ROBO2: variants seen among roughly 807,000 people sequenced by gnomAD.
ROBO2 encodes the protein roundabout guidance receptor 2.
Under a neutral mutation model 160.8 loss-of-function variants are expected in ROBO2, and 53 were observed. That is an observed-to-expected ratio of 0.33 (90% CI 0.26 to 0.41). The LOEUF (loss-of-function observed/expected upper bound fraction) is 0.41, where lower values mean the gene tolerates loss of function less well. Ranked by LOEUF, ROBO2 falls within the 10% of genes least tolerant of loss-of-function variation. ROBO2 has a pLI of 1.00. For synonymous variants in ROBO2, 664 were observed against 611.7 expected, an observed-to-expected ratio of 1.09 and a Z score of -1.26; for missense variants, 1,577 against 1,722.4, an observed-to-expected ratio of 0.92 and a Z score of 1.49.
chr3:76,573,590 G>C (rs1418774488), intron 2 of ROBO2, among the ~76,000 whole-genome samples: 1 of 150,748 alleles, frequency 6.6e-6, no homozygotes, highest in Admixed American at 6.6e-5. Flanking sequence ...CATGATTCCA[G>C]AGATTTATTT....
intron 2 of ROBO2, among the ~76,000 whole-genome samples, chr3:76,947,712 G>A (rs113829273): frequency 6.6e-6 from 1 of 151,410 alleles, no homozygotes; most frequent in Non-Finnish European, 1.5e-5. Flanking sequence ...CATGGGACTG[G>A]TTTTTTTCTT....
At chr3:76,249,245 CAG>C (rs1705830820) in intron 2 of ROBO2, among the ~76,000 whole-genome samples, 1 of 152,058 alleles carries the variant, frequency 6.6e-6, no homozygotes. Flanking sequence ...ACAGTACTAA[CAG>C]TGCCTCAGAA....
At chr3:76,750,035 GC>G (rs1176166959) in intron 2 of ROBO2, among the ~76,000 whole-genome samples, 2 of 152,100 alleles carry the variant, frequency 1.3e-5, no homozygotes, top group Non-Finnish European at 2.9e-5. Context: ...GAACATTGAT[GC>G]AAAAATCCGC....
rs183949834 is a variant in ROBO2 at position 76,121,934 on chromosome 3, T to A, written c.109+184332T>A. ...CTATTTAGATAGTATCTATGTAACG[T>A]GAAGATATTATTTAAATGCTCTATT... On this transcript the variant is annotated intron_variant, in intron 2 of 26. Coordinates refer to the ROBO2 transcript ENST00000487694. 3.9e-5 allele frequency among the ~76,000 whole-genome samples: 6 copies of A among 152,292 alleles called. No individual in the cohort carries two copies. The East Asian group carries it at 1.2e-3, about 29-fold the overall frequency.
At chr3:77,321,987 T>C in intron 2 of ROBO2, among the ~76,000 whole-genome samples, 1 of 152,108 alleles carries the variant, frequency 6.6e-6, no homozygotes, top group Non-Finnish European at 1.5e-5. Context: ...TTCTGAGCAA[T>C]CAGGAGATAA....
intron 2 of ROBO2, among the ~76,000 whole-genome samples, chr3:77,001,536 AG>A (rs749973590): frequency 2.6e-5 from 4 of 152,120 alleles, no homozygotes; most frequent in Non-Finnish European, 4.4e-5. Context: ...ACACATGAAC[AG>A]GGGGGTTTGA....
intron 2 of ROBO2, among the ~76,000 whole-genome samples, chr3:76,614,446 A>C (rs945961572): frequency 2.6e-5 from 4 of 152,100 alleles, no homozygotes; most frequent in African/African-American, 9.7e-5. Context: ...ACATTTACTC[A>C]TACCAGCTCC....
intron 5 of ROBO2, among the ~76,000 whole-genome samples, chr3:77,500,246 C>T (rs2087390127): frequency 6.6e-6 from 1 of 152,050 alleles, no homozygotes; most frequent in African/African-American, 2.4e-5. Context: ...TATGTTAATT[C>T]CATTATTTTT....
chr3:76,459,290 G>A (rs1002124745), intron 2 of ROBO2, among the ~76,000 whole-genome samples: 2 of 151,206 alleles, frequency 1.3e-5, no homozygotes, highest in Non-Finnish European at 3.0e-5. Context: ...CATATATAGC[G>A]AGAGAGAGAG....
intron 2 of ROBO2, among the ~76,000 whole-genome samples, chr3:77,029,149 A>T (rs915622487): frequency 1.3e-5 from 2 of 151,978 alleles, no homozygotes; most frequent in African/African-American, 2.4e-5. Flanking sequence ...GAGGCCCAAC[A>T]TCTTTATTTG....
chr3:76,286,644 G>A (rs887506785), intron 2 of ROBO2, among the ~76,000 whole-genome samples: 2 of 152,130 alleles, frequency 1.3e-5, no homozygotes, highest in African/African-American at 2.4e-5. Context: ...GTGAATGGTC[G>A]AGAGAAGTAT....
intron 2 of ROBO2, among the ~76,000 whole-genome samples, chr3:76,658,702 A>G (rs1411005051): frequency 2.6e-5 from 4 of 152,136 alleles, no homozygotes; most frequent in Admixed American, 2.0e-4. Flanking sequence ...TCCAAGGTGT[A>G]TATGTGCCAC....
chr3:76,526,705 C>T (rs1037750824), intron 2 of ROBO2, among the ~76,000 whole-genome samples: 2 of 152,024 alleles, frequency 1.3e-5, no homozygotes, highest in East Asian at 1.9e-4. Flanking sequence ...TGTTGCAACT[C>T]AACACAAACC....
intron 2 of ROBO2, among the ~76,000 whole-genome samples, chr3:76,268,820 T>C (rs3887039): frequency 7.2e-5 from 11 of 151,928 alleles, no homozygotes; most frequent in Non-Finnish European, 1.6e-4. Context: ...AGGCAACATG[T>C]AGCCCTGAGT....
intron 2 of ROBO2, among the ~76,000 whole-genome samples, chr3:76,708,059 A>T (rs1303198471): frequency 6.6e-6 from 1 of 152,148 alleles, no homozygotes; most frequent in Non-Finnish European, 1.5e-5. Context: ...ACAAGTTTTC[A>T]TTCCCCTTTG....
intron 2 of ROBO2, among the ~76,000 whole-genome samples, chr3:76,546,400 T>G (rs1445317966): frequency 6.6e-6 from 1 of 151,880 alleles, no homozygotes; most frequent in African/African-American, 2.4e-5. Context: ...TATGTCTTAA[T>G]CCTTAGAACC....
chr3:76,796,289 T>C (rs531166504), intron 2 of ROBO2, among the ~76,000 whole-genome samples: 1 of 152,106 alleles, frequency 6.6e-6, no homozygotes, highest in East Asian at 1.9e-4. Flanking sequence ...GAAAAATATG[T>C]TTTTTAGTGT....
intron 2 of ROBO2, among the ~76,000 whole-genome samples, chr3:76,846,627 CTT>C (rs2068797245): frequency 6.6e-6 from 1 of 151,862 alleles, no homozygotes; most frequent in South Asian, 2.1e-4. Context: ...TTTTAAAAGA[CTT>C]TTCTTCTTTT....
intron 2 of ROBO2, among the ~76,000 whole-genome samples, chr3:77,268,054 T>C (rs2059250179): frequency 6.6e-6 from 1 of 152,238 alleles, no homozygotes; most frequent in Admixed American, 6.5e-5. Flanking sequence ...TGCTGGGTAT[T>C]CACTGCATTT....
Sources: allele counts gnomAD v4.1 joint callset (sites outside exome capture counted in the v4.1 genomes callset), GRCh38; gene constraint gnomAD v4.1.1; transcripts MANE v1.5; gene names NCBI Gene and HGNC (gene_info 2026-07-23, HGNC 2026-07-21).